The following MTFMT variants were observed in gnomAD, a reference collection of about 807,000 sequenced individuals.
MTFMT encodes the protein mitochondrial methionyl-tRNA formyltransferase, also known as methionyl-tRNA formyltransferase, mitochondrial.
In MTFMT, 47 loss-of-function variants were observed where a neutral mutation model predicts 51.8. The ratio of observed to expected loss-of-function variants is 0.91; its 90% confidence interval spans 0.72 to 1.16. MTFMT has a LOEUF of 1.16. Ranked by LOEUF, MTFMT falls within the 50% of genes most tolerant of loss-of-function variation. The probability of loss-of-function intolerance (pLI) is 0.00; values close to 1 mark genes in which losing one functional copy is unlikely to be tolerated. For synonymous variants in MTFMT, 196 were observed against 176.7 expected, an observed-to-expected ratio of 1.11 and a Z score of -0.87; for missense variants, 512 against 482.3, an observed-to-expected ratio of 1.06 and a Z score of -0.58.
Position 65,029,549 on chromosome 15 carries a change from G to A in MTFMT, c.65C>T (p.Pro22Leu). ...GGCCAGTGCTCGCCACTGGGGACTC[G>A]GCCTCCCACGCCTGGCGCCATGAGC... ...PLAHGARRGRPSPQWRALARL... is the reference protein window; with the variant it reads ...PLAHGARRGRLSPQWRALARL... Residue 22 changes from proline (P) to leucine (L), a missense_variant, in exon 1 of 9, where the codon CCG (proline) becomes CTG (leucine). Transcript: ENST00000220058. 6.6e-7 allele frequency: 1 copy of A among 1,509,634 alleles called. No homozygotes were observed. Among genetic ancestry groups the A allele is most frequent in the East Asian group, 2.7e-5 (1 of 36,816 alleles). 93.5% of individuals were successfully genotyped at this position (1,509,634 alleles called of 1,614,324 possible).
At chr15:65,024,509 TTC>T (rs1237806121) in intron 2 of MTFMT, among the ~76,000 whole-genome samples, 2 of 48,884 alleles carry the variant, frequency 4.1e-5, no homozygotes, top group Non-Finnish European at 6.6e-5. Context: ...AATAAGCTTT[TTC>T]TTTTTTTTTT....
intron 1 of MTFMT, 39 bp downstream of exon 1, chr15:65,029,366 C>T (rs1280366353): frequency 7.1e-7 from 1 of 1,416,208 alleles, no homozygotes; most frequent in Admixed American, 2.8e-5. Context: ...GGCCTGGAGG[C>T]CTTCAGCGGC....
rs142019073 is a variant in MTFMT at position 65,013,719 on chromosome 15, G to A, written c.813+2717C>T. ...AGCATGTTGGGAGGCTGAGGTGGGCGGATCACTCAAGTTCAGGAGTTTGAG... is the reference window on the plus strand; with the variant it reads ...AGCATGTTGGGAGGCTGAGGTGGGCAGATCACTCAAGTTCAGGAGTTTGAG... On this transcript the variant is annotated intron_variant, in intron 6 of 8. Transcript: ENST00000220058. 2.7e-3 allele frequency among the ~76,000 whole-genome samples: 418 copies of A among 152,102 alleles called. 2 individuals are homozygous for A. The highest frequency in any genetic ancestry group is 9.5e-3 in the African/African-American group (396 of 41,528).
intron 2 of MTFMT, chr15:65,026,613 TA>T: frequency 1.9e-6 from 1 of 520,284 alleles, no homozygotes; most frequent in Non-Finnish European, 3.4e-6. Context: ...TCCTTGGGTT[TA>T]AACAATATAA....
At position 65,017,007 on chromosome 15, in the gene MTFMT, C is replaced by T. The variant is rs373913825; in HGVS notation, c.722-480G>A. ...ATGTTTGCCAGGCTGGTCTCGAACTCCTAACCTTAAGTGATCCACCCGCCT... is the reference window on the plus strand; with the variant it reads ...ATGTTTGCCAGGCTGGTCTCGAACTTCTAACCTTAAGTGATCCACCCGCCT... On this transcript the variant is annotated intron_variant, in intron 5 of 8. Coordinates refer to ENST00000220058, the MANE Select transcript of MTFMT (RefSeq NM_139242.4). 4.4e-4 allele frequency among the ~76,000 whole-genome samples: 66 copies of T among 151,106 alleles called. 1 individual carries two copies. The East Asian group carries it at 9.5e-3, about 22-fold the overall frequency.
intron 6 of MTFMT, among the ~76,000 whole-genome samples, chr15:65,010,183 TTTTTTTGTTTTG>T (rs1436849239): frequency 6.6e-6 from 1 of 152,194 alleles, no homozygotes; most frequent in Admixed American, 6.5e-5. Context: ...TCTTGGGTTG[TTTTTTTGTTTTG>T]TTTTGTTTTT....
At chr15:65,017,935 C>T (rs909470565) in intron 5 of MTFMT, among the ~76,000 whole-genome samples, 5 of 152,002 alleles carry the variant, frequency 3.3e-5, no homozygotes, top group African/African-American at 1.2e-4. Flanking sequence ...AAAAATAACA[C>T]TATGTAGGTG....
rs2086430531 is a variant in MTFMT at position 65,026,994 on chromosome 15, T to C, written c.256A>G (p.Met86Val). Residue 86 changes from methionine to valine, a missense_variant, in exon 2 of 9, where the codon ATG (methionine) becomes GTG (valine). Physicochemically the swap from Met to Val is conservative, Grantham distance 21. Coordinates refer to ENST00000220058, the MANE Select transcript of MTFMT (RefSeq NM_139242.4). ...AGTCCTTTTGGTGATGGGGAAGGCATTGTGACCACCTCCAGTTTGTCGATT... is the reference window on the plus strand; with the variant it reads ...AGTCCTTTTGGTGATGGGGAAGGCACTGTGACCACCTCCAGTTTGTCGATT... ...ELIDKLEVVT[M>V]PSPSPKGLPV... The C allele has an allele frequency of 1.2e-6, 2 of 1,614,002 alleles. No individual in the cohort carries two copies. The highest frequency in any genetic ancestry group is 2.7e-5 in the African/African-American group (2 of 75,048).
At position 65,029,569 on chromosome 15, in the gene MTFMT, A is replaced by G. The variant is rs1056056384; in HGVS notation, c.45T>C (p.His15=). ...GACTCGGCCTCCCACGCCTGGCGCCATGAGCCAGCGGAGGACCCCAACAGC... is the reference window on the plus strand; with the variant it reads ...GACTCGGCCTCCCACGCCTGGCGCCGTGAGCCAGCGGAGGACCCCAACAGC... ...VRRCWGPPLA[H]GARRGRPSPQ... Residue 15 remains histidine (H), a synonymous_variant, in exon 1 of 9, where the codon CAT becomes CAC. Transcript: ENST00000220058. The G allele has an allele frequency of 2.7e-6, 4 of 1,501,088 alleles. No homozygotes were observed. The highest frequency in any genetic ancestry group is 2.9e-5 in the African/African-American group (2 of 69,058). 93.0% of individuals were successfully genotyped at this position (1,501,088 alleles called of 1,614,324 possible).
At chr15:65,023,239 A>G (rs1345070323) in intron 3 of MTFMT, among the ~76,000 whole-genome samples, 4 of 152,192 alleles carry the variant, frequency 2.6e-5, no homozygotes, top group African/African-American at 9.7e-5. Context: ...TATGACAGGA[A>G]AAAATGAATG....
chr15:65,004,313 G>A lies in MTFMT; in HGVS notation c.975+541C>T, dbSNP rs140780283. On this transcript the variant is annotated intron_variant, in intron 8 of 8. Transcript: ENST00000220058. ...ATAACATGTGTGAGCCACCTTGCCC[G>A]GCTAAACACTCTTAAGTATGAAATA... is the stretch of plus-strand genomic sequence containing the variant. Among the ~76,000 whole-genome samples the A allele has an allele frequency of 4.7e-3, 712 of 152,216 alleles. 3 individuals carry two copies. Among genetic ancestry groups the A allele is most frequent in the Non-Finnish European group, 6.2e-3 (422 of 68,022 alleles).
rs966992275 is a variant in MTFMT at position 65,002,367 on chromosome 15, C to T, written c.*695G>A. On this transcript the variant is annotated 3_prime_UTR_variant, in exon 9 of 9. Transcript: ENST00000220058. ...GCAGTGAGCTGACATCACGCCACTGCACTCCAGCCTGGGCCACAGAACAAG... is the reference window on the plus strand; with the variant it reads ...GCAGTGAGCTGACATCACGCCACTGTACTCCAGCCTGGGCCACAGAACAAG... The T allele has an allele frequency of 6.6e-6, 1 of 151,954 alleles. No individual in the cohort carries two copies. Among genetic ancestry groups the T allele is most frequent in the Non-Finnish European group, 1.5e-5 (1 of 68,052 alleles). The allele number at this position is 151,954 out of a possible 1,614,324, so 9.4% of individuals were successfully genotyped here.
At chr15:65,010,376 C>T (rs572447286) in intron 6 of MTFMT, among the ~76,000 whole-genome samples, 96 of 152,260 alleles carry the variant, frequency 6.3e-4, no homozygotes, top group African/African-American at 2.2e-3. Context: ...AAACGCCATC[C>T]ATTATCAGAA....
At chr15:65,023,281 C>T (rs1255128300) in intron 3 of MTFMT, among the ~76,000 whole-genome samples, 1 of 152,018 alleles carries the variant, frequency 6.6e-6, no homozygotes, top group Non-Finnish European at 1.5e-5. Flanking sequence ...TATTGATATA[C>T]AATATATTCT....
In MTFMT at chr15:65,004,894, A is replaced by G; in HGVS notation, c.935T>C (p.Ile312Thr). The G allele has an allele frequency of 1.2e-6, 2 of 1,612,020 alleles. No individual in the cohort carries two copies. The highest frequency in any genetic ancestry group is 1.1e-5 in the South Asian group (1 of 90,880). Reference sequence around the variant, plus strand: ...TAGTATTTGTGACTGTTTGTGGTATATTACTGATCCTGGAATAAGAGCCTG... The same window carrying G: ...TAGTATTTGTGACTGTTTGTGGTATGTTACTGATCCTGGAATAAGAGCCTG... The part of the protein sequence containing the change: ...TGQALIPGSV[I>T]YHKQSQILLV... The change falls in exon 8 of 9, where the codon ATA becomes ACA. Residue 312 changes from isoleucine (I) to threonine (T), a missense_variant. By Grantham distance (89) the Ile-to-Thr change is moderately conservative. Coordinates refer to ENST00000220058, the MANE Select transcript of MTFMT (RefSeq NM_139242.4).
chr15:65,025,369 C>G (rs2086413586), intron 2 of MTFMT, among the ~76,000 whole-genome samples: 1 of 151,906 alleles, frequency 6.6e-6, no homozygotes, highest in Non-Finnish European at 1.5e-5. Context: ...TGTACTCCAG[C>G]CTGGGTGACA....
chr15:65,021,268 C>T (rs1248810902), intron 4 of MTFMT, among the ~76,000 whole-genome samples: 1 of 152,186 alleles, frequency 6.6e-6, no homozygotes, highest in East Asian at 1.9e-4. Context: ...CTCACTATGG[C>T]ATGTAGTAGG....
intron 4 of MTFMT, among the ~76,000 whole-genome samples, chr15:65,021,055 T>C (rs2086369972): frequency 6.6e-6 from 1 of 152,228 alleles, no homozygotes; most frequent in Non-Finnish European, 1.5e-5. Flanking sequence ...CAATGAATTA[T>C]ATATACAAAG....
At chr15:65,026,704 A>C in intron 2 of MTFMT, 127 bp downstream of exon 2, 4 of 798,092 alleles carry the variant, frequency 5.0e-6, no homozygotes, top group Non-Finnish European at 7.7e-6. Flanking sequence ...CAGAAAAATA[A>C]AATGGTAAAA....
Sources: allele counts gnomAD v4.1 joint callset (sites outside exome capture counted in the v4.1 genomes callset), GRCh38; gene constraint gnomAD v4.1.1; transcripts MANE v1.5; gene names NCBI Gene and HGNC (gene_info 2026-07-23, HGNC 2026-07-21).